Variants in NMNAT2 observed in about 807,000 individuals in gnomAD.
NMNAT2 encodes the protein nicotinamide nucleotide adenylyltransferase 2.
NMNAT2 carries 11 observed loss-of-function variants against 41.6 expected under a neutral mutation model. The ratio of observed to expected loss-of-function variants is 0.26; its 90% CI spans 0.17 to 0.44. The LOEUF is 0.44. NMNAT2 is among the 20% of genes least tolerant of loss of function. The pLI, the probability that NMNAT2 is intolerant of heterozygous loss-of-function variation, is 1.00. For missense variants in NMNAT2, 288 were observed against 407.7 expected, an observed-to-expected ratio of 0.71 and a Z score of 2.53; for synonymous variants, 148 against 151.2, an observed-to-expected ratio of 0.98 and a Z score of 0.16.
Position 183,265,268 on chromosome 1 carries a change from T to C in NMNAT2, c.652-3965A>G, listed in dbSNP as rs1379688192. On this transcript the variant is annotated intron_variant, in intron 8 of 10. Transcript: ENST00000287713. ...CTTCTTCTTCTTCTTCTTTTTTTTT[T>C]TTTTTTTTTTTTTTTTTTGAGACAG... Among the ~76,000 whole-genome samples the C allele has an allele frequency of 7.3e-4, 88 of 120,206 alleles. 1 individual carries two copies. The highest frequency in any genetic ancestry group is 1.2e-3 in the Non-Finnish European group (67 of 56,690). The allele number at this position is 120,206 out of a possible 152,430, so 78.9% of individuals were successfully genotyped here.
intron 1 of NMNAT2, among the ~76,000 whole-genome samples, chr1:183,324,707 C>T (rs1662425082): frequency 6.6e-6 from 1 of 152,222 alleles, no homozygotes; most frequent in Admixed American, 6.5e-5. Context: ...GAAGTCTTCT[C>T]AGATCACTTT....
chr1:183,273,463 G>C (rs544730266), intron 8 of NMNAT2, among the ~76,000 whole-genome samples: 1 of 152,308 alleles, frequency 6.6e-6, no homozygotes, highest in South Asian at 2.1e-4. Flanking sequence ...AACAGAAGCA[G>C]GTCTCACATA....
At chr1:183,327,633 G>A (rs748477562) in intron 1 of NMNAT2, among the ~76,000 whole-genome samples, 1 of 152,160 alleles carries the variant, frequency 6.6e-6, no homozygotes, top group Admixed American at 6.5e-5. Context: ...GGTGGGTAGG[G>A]GTGAGTGGTT....
chr1:183,367,587 G>C (rs537570889), intron 1 of NMNAT2, among the ~76,000 whole-genome samples: 31 of 152,222 alleles, frequency 2.0e-4, no homozygotes, highest in Non-Finnish European at 4.0e-4. Context: ...AGTGCAAGAT[G>C]AGAGATATTC....
intron 1 of NMNAT2, among the ~76,000 whole-genome samples, chr1:183,335,358 C>G (rs555210152): frequency 6.4e-4 from 98 of 152,292 alleles, no homozygotes; most frequent in South Asian, 1.5e-3. Context: ...ATACCTCCAG[C>G]TGTGGATGCA....
intron 1 of NMNAT2, among the ~76,000 whole-genome samples, chr1:183,302,600 A>G (rs1661885689): frequency 6.6e-6 from 1 of 152,188 alleles, no homozygotes; most frequent in South Asian, 2.1e-4. Flanking sequence ...CAACCAATCC[A>G]GACCAACCAT....
intron 1 of NMNAT2, among the ~76,000 whole-genome samples, chr1:183,296,666 C>T (rs12046529): frequency 0.086 from 13,141 of 152,084 alleles, 661 homozygotes; most frequent in East Asian, 0.13. Context: ...ACGTGCACCA[C>T]CATACCCAGC....
intron 10 of NMNAT2, among the ~76,000 whole-genome samples, chr1:183,255,204 T>C (rs1660485178): frequency 6.6e-6 from 1 of 152,224 alleles, no homozygotes; most frequent in South Asian, 2.1e-4. Context: ...TTTGGTACCT[T>C]TGTCAAAAAT....
intron 1 of NMNAT2, 24 bp from the exon 2 acceptor site, chr1:183,293,817 C>T: frequency 6.5e-7 from 1 of 1,536,490 alleles, no homozygotes; most frequent in Non-Finnish European, 9.0e-7. Context: ...GAAACCCACA[C>T]ATTATAAAGA....
intron 8 of NMNAT2, among the ~76,000 whole-genome samples, chr1:183,263,863 A>G (rs1379143036): frequency 2.0e-5 from 3 of 152,188 alleles, no homozygotes; most frequent in African/African-American, 4.8e-5. Context: ...GCTGGGACTC[A>G]GGCAGCAGTA....
chr1:183,339,990 G>A (rs540922307), intron 1 of NMNAT2, among the ~76,000 whole-genome samples: 3 of 152,322 alleles, frequency 2.0e-5, no homozygotes, highest in Non-Finnish European at 2.9e-5. Flanking sequence ...GGTTGCCGTA[G>A]GCCCTTGGCA....
intron 1 of NMNAT2, among the ~76,000 whole-genome samples, chr1:183,397,992 A>G (rs1285288199): frequency 6.6e-6 from 1 of 152,242 alleles, no homozygotes; most frequent in African/African-American, 2.4e-5. Flanking sequence ...CTAGGAAGAA[A>G]CTGCATCAAC....
chr1:183,283,802 G>A, intron 7 of NMNAT2, 193 bp downstream of exon 7: 1 of 641,830 alleles, frequency 1.6e-6, no homozygotes, highest in Non-Finnish European at 2.9e-6. Context: ...GTTGGCTGGA[G>A]TCCAGTTAAG....
intron 8 of NMNAT2, among the ~76,000 whole-genome samples, chr1:183,272,150 T>G (rs2102291225): frequency 6.6e-6 from 1 of 151,918 alleles, no homozygotes; most frequent in South Asian, 2.1e-4. Flanking sequence ...GGGAGAGGAG[T>G]GAGTGCAAAT....
intron 1 of NMNAT2, among the ~76,000 whole-genome samples, chr1:183,367,219 G>A (rs1663432216): frequency 6.6e-6 from 1 of 152,196 alleles, no homozygotes; most frequent in Admixed American, 6.5e-5. Context: ...AGCACTTTGG[G>A]AGGCTGAGGC....
At chr1:183,364,120 T>C (rs1224111868) in intron 1 of NMNAT2, among the ~76,000 whole-genome samples, 1 of 152,242 alleles carries the variant, frequency 6.6e-6, no homozygotes, top group Non-Finnish European at 1.5e-5. Flanking sequence ...GACTGATAAC[T>C]GCACTTAGTC....
intron 8 of NMNAT2, among the ~76,000 whole-genome samples, chr1:183,274,384 T>C (rs937822015): frequency 4.6e-5 from 7 of 152,098 alleles, no homozygotes; most frequent in Non-Finnish European, 1.0e-4. Flanking sequence ...CGATCTCTGC[T>C]CACTGCAATC....
intron 1 of NMNAT2, among the ~76,000 whole-genome samples, chr1:183,351,782 G>A (rs547747678): frequency 2.9e-4 from 44 of 152,254 alleles, no homozygotes; most frequent in Non-Finnish European, 4.4e-4. Flanking sequence ...CACAATCCTG[G>A]AGGAGGCTCT....
intron 1 of NMNAT2, among the ~76,000 whole-genome samples, chr1:183,374,765 T>G (rs1663634865): frequency 6.6e-6 from 1 of 152,142 alleles, no homozygotes. Flanking sequence ...TAGGAAGCCA[T>G]AATGAGAACC....
Sources: allele counts gnomAD v4.1 joint callset (sites outside exome capture counted in the v4.1 genomes callset), GRCh38; gene constraint gnomAD v4.1.1; transcripts MANE v1.5; gene names NCBI Gene and HGNC (gene_info 2026-07-23, HGNC 2026-07-21).